The following LEPR variants were observed in gnomAD, a reference collection of about 807,000 sequenced individuals.
LEPR encodes the protein leptin receptor, also known as OB receptor.
In LEPR, 56 loss-of-function variants were observed where a neutral mutation model predicts 114.7. The observed-to-expected ratio is 0.49, with a 90% CI of 0.39 to 0.61. LEPR has a LOEUF of 0.61. LEPR is among the 20% of genes least tolerant of loss of function. The pLI is 0.00. For missense variants in LEPR, 1,202 were observed against 1,352.9 expected (o/e 0.89, Z 1.75); for synonymous variants, 443 against 461.4 (o/e 0.96, Z 0.51).
rs183368463 is a variant in LEPR, at chr1:65,462,324, G to T, written c.-21+36946G>T. On this transcript the variant is annotated intron_variant, in intron 2 of 19. Transcript: ENST00000349533. ...TCATCCATGTCCCTGCAAACGACAC[G>T]AACTCATCCTTTTTATGGCTGCATA... 6.6e-5 allele frequency among the ~76,000 whole-genome samples: 10 copies of T among 152,238 alleles called. No individual in the cohort carries two copies. The East Asian group carries it at 1.9e-3, about 29-fold the overall frequency.
chr1:65,552,962 C>T (rs1652520769), intron 2 of LEPR, among the ~76,000 whole-genome samples: 1 of 152,132 alleles, frequency 6.6e-6, no homozygotes, highest in African/African-American at 2.4e-5. Flanking sequence ...TTTTATTTCT[C>T]CTTCACTTAT....
chr1:65,634,181 G>A (rs1421614321), intron 19 of LEPR: 2 of 984,560 alleles, frequency 2.0e-6, no homozygotes, highest in Non-Finnish European at 1.2e-6. Flanking sequence ...CAACGACTAT[G>A]TTTAATGAAC....
At chr1:65,438,113 CTTTT>C (rs36053447) in intron 2 of LEPR, among the ~76,000 whole-genome samples, 106 of 87,760 alleles carry the variant, frequency 1.2e-3, no homozygotes, top group African/African-American at 4.7e-3. Context: ...TCCTAGCCGC[CTTTT>C]TTTTTTTTTT....
At chr1:65,517,302 G>T (rs1455453889) in intron 2 of LEPR, among the ~76,000 whole-genome samples, 3 of 152,208 alleles carry the variant, frequency 2.0e-5, no homozygotes, top group African/African-American at 7.2e-5. Flanking sequence ...GTTACTTAGT[G>T]GTTCTTTGAC....
At chr1:65,481,048 G>C (rs1342862316) in intron 2 of LEPR, among the ~76,000 whole-genome samples, 1 of 152,192 alleles carries the variant, frequency 6.6e-6, no homozygotes, top group African/African-American at 2.4e-5. Context: ...CAAGGTGTTG[G>C]TAGGTTTGGT....
At chr1:65,505,754 C>CT (rs34274342) in intron 2 of LEPR, among the ~76,000 whole-genome samples, 4 of 145,236 alleles carry the variant, frequency 2.8e-5, no homozygotes, top group Non-Finnish European at 4.5e-5. Context: ...CTCACCATCC[C>CT]TTTTTTTTTT....
At chr1:65,483,902 A>T (rs1647343473) in intron 2 of LEPR, among the ~76,000 whole-genome samples, 1 of 150,670 alleles carries the variant, frequency 6.6e-6, no homozygotes, top group Non-Finnish European at 1.5e-5. Flanking sequence ...TATAACCTTC[A>T]TCATGACTTT....
intron 2 of LEPR, among the ~76,000 whole-genome samples, chr1:65,496,086 AGAT>A (rs1330966264): frequency 4.6e-5 from 7 of 152,186 alleles, no homozygotes. Flanking sequence ...ATGATAAATG[AGAT>A]GATGGATATC....
intron 19 of LEPR, among the ~76,000 whole-genome samples, chr1:65,628,947 G>A (rs1056758691): frequency 1.3e-5 from 2 of 152,036 alleles, no homozygotes; most frequent in Non-Finnish European, 2.9e-5. Flanking sequence ...CTCTCCAAAT[G>A]CCTCTTTAGT....
intron 10 of LEPR, among the ~76,000 whole-genome samples, chr1:65,603,865 A>T (rs1191522632): frequency 2.0e-5 from 3 of 152,180 alleles, no homozygotes; most frequent in Non-Finnish European, 1.5e-5. Context: ...AATTTTTTTT[A>T]AATTTTCTTT....
At chr1:65,532,367 C>T (rs536605732) in intron 2 of LEPR, among the ~76,000 whole-genome samples, 18 of 152,240 alleles carry the variant, frequency 1.2e-4, no homozygotes, top group African/African-American at 2.9e-4. Flanking sequence ...GATGGATACT[C>T]GTGAGCCATC....
At chr1:65,566,410 C>A (rs1653763429) in intron 3 of LEPR, among the ~76,000 whole-genome samples, 1 of 152,094 alleles carries the variant, frequency 6.6e-6, no homozygotes, top group East Asian at 1.9e-4. Flanking sequence ...ACTGCGTTGG[C>A]CAGATGGTCT....
chr1:65,488,226 C>CTCTCTCTCTCTCTCTCTT (rs1553157734), intron 2 of LEPR, among the ~76,000 whole-genome samples: 4 of 67,968 alleles, frequency 5.9e-5, no homozygotes, highest in African/African-American at 2.6e-4. Context: ...CTCTCTCTCT[C>CTCTCTCTCTCTCTCTCTT]TCTTTCTTTC....
At chr1:65,471,915 C>G (rs1647088929) in intron 2 of LEPR, among the ~76,000 whole-genome samples, 1 of 152,160 alleles carries the variant, frequency 6.6e-6, no homozygotes, top group South Asian at 2.1e-4. Flanking sequence ...TTACTTTAGT[C>G]TGGCCAGAAA....
intron 2 of LEPR, among the ~76,000 whole-genome samples, chr1:65,457,751 G>A (rs1465118163): frequency 2.0e-5 from 3 of 152,042 alleles, no homozygotes; most frequent in African/African-American, 7.2e-5. Flanking sequence ...TCCACTTACA[G>A]TGTTTACAGT....
chr1:65,449,359 G>C (rs1223167025), intron 2 of LEPR, among the ~76,000 whole-genome samples: 4 of 151,540 alleles, frequency 2.6e-5, no homozygotes, highest in Non-Finnish European at 5.9e-5. Flanking sequence ...ACTCCTCCTG[G>C]GGATGGGCTG....
rs183502278 is a variant in LEPR, at chr1:65,537,417, C to T, written c.-20-28129C>T. Among the ~76,000 whole-genome samples, 4 of 152,184 alleles carry T rather than the reference C, an allele frequency of 2.6e-5. No individual in the cohort carries two copies. The East Asian group carries it at 7.7e-4, about 29-fold the overall frequency. ...GTTTGAACCATTTCTGGTTTTAGTC[C>T]TTCTTCCTCTAGGGCTAAATTGTAT... On this transcript the variant is annotated intron_variant, in intron 2 of 19. Transcript: ENST00000349533.
chr1:65,532,180 CT>C (rs1484804907), intron 2 of LEPR, among the ~76,000 whole-genome samples: 2 of 152,152 alleles, frequency 1.3e-5, no homozygotes, highest in Admixed American at 1.3e-4. Context: ...ATCTCATGGG[CT>C]TAATGCAGTT....
At chr1:65,549,281 T>A (rs1208973762) in intron 2 of LEPR, among the ~76,000 whole-genome samples, 2 of 150,360 alleles carry the variant, frequency 1.3e-5, no homozygotes, top group Non-Finnish European at 3.0e-5. Flanking sequence ...CTGACAATTA[T>A]GTGTCTTGGA....
Sources: gnomAD v4.1 joint callset for allele counts (sites outside exome capture counted in the v4.1 genomes callset) on GRCh38, gnomAD v4.1.1 for gene constraint, MANE v1.5 for transcripts, NCBI Gene and HGNC (gene_info 2026-07-23, HGNC 2026-07-21) for gene names.